Variants in TMEM131L observed in about 807,000 individuals in gnomAD.
TMEM131L encodes transmembrane 131 like.
Under a neutral mutation model 192.2 loss-of-function variants are expected in TMEM131L, and 54 were observed. The ratio of observed to expected loss-of-function variants is 0.28; its 90% confidence interval spans 0.23 to 0.35. The LOEUF is 0.35. Ranked by LOEUF, TMEM131L falls within the 10% of genes least tolerant of loss-of-function variation. TMEM131L has a pLI of 1.00. For missense variants in TMEM131L, 1,888 were observed against 1,972.9 expected, an observed-to-expected ratio of 0.96 and a Z score of 0.82; for synonymous variants, 701 against 704.9, an observed-to-expected ratio of 0.99 and a Z score of 0.09.
chr4:153,619,738 T>A (rs970652502), intron 26 of TMEM131L, among the ~76,000 whole-genome samples: 2 of 152,246 alleles, frequency 1.3e-5, no homozygotes, highest in Middle Eastern at 3.2e-3. Flanking sequence ...TGAGTGTATG[T>A]TTCAACTTCA....
intron 3 of TMEM131L, among the ~76,000 whole-genome samples, chr4:153,515,759 A>T (rs1734686825): frequency 6.6e-6 from 1 of 152,216 alleles, no homozygotes; most frequent in African/African-American, 2.4e-5. Flanking sequence ...ACCAACAGTT[A>T]ATAGATGAGT....
rs748611754 is a variant in TMEM131L, at chr4:153,603,327, A to G, written c.2664A>G (p.Leu888=). The change falls in exon 24 of 35, where the codon TTA becomes TTG. Residue 888 remains leucine, a synonymous_variant. Transcript: ENST00000409959. The stretch of plus-strand genomic sequence containing the variant: ...GTTTGTCCCTGTTGGGTGTGATTTT[A>G]ATAGCCTTCCAACAAGCACAGTACA... ...FVSLSLLGVI[L]IAFQQAQYIL... 3.1e-6 allele frequency: 5 copies of G among 1,613,706 alleles called. No individual in the cohort carries two copies. In the Admixed American group the frequency reaches 6.7e-5, roughly 22 times the overall value.
Position 153,550,543 on chromosome 4 carries a change from G to T in TMEM131L, c.308+402G>T, listed in dbSNP as rs562691810. 2.8e-3 allele frequency among the ~76,000 whole-genome samples: 421 copies of T among 152,236 alleles called. 2 individuals are homozygous for T. Among genetic ancestry groups the T allele is most frequent in the Non-Finnish European group, 4.5e-3 (306 of 68,014 alleles). On this transcript the variant is annotated intron_variant, in intron 4 of 34. Transcript: ENST00000409959. Reference sequence around the variant, plus strand: ...GGGTTTCACCGTGTTCGCCAGGATGGTCTTGATCTCCTGACTTCGTGATCC... The same window carrying T: ...GGGTTTCACCGTGTTCGCCAGGATGTTCTTGATCTCCTGACTTCGTGATCC...
intron 7 of TMEM131L, among the ~76,000 whole-genome samples, chr4:153,564,046 TG>T (rs1422733429): frequency 6.6e-6 from 1 of 151,776 alleles, no homozygotes; most frequent in Non-Finnish European, 1.5e-5. Flanking sequence ...CCCAGCACTT[TG>T]GGAGGCCGAG....
chr4:153,475,922 C>A (rs1282606305), intron 3 of TMEM131L, among the ~76,000 whole-genome samples: 3 of 152,164 alleles, frequency 2.0e-5, no homozygotes, highest in Non-Finnish European at 4.4e-5. Flanking sequence ...GAACCAATCT[C>A]TCAGGGATTC....
intron 3 of TMEM131L, among the ~76,000 whole-genome samples, chr4:153,498,540 T>G (rs1193884768): frequency 6.6e-6 from 1 of 152,142 alleles, no homozygotes; most frequent in Non-Finnish European, 1.5e-5. Flanking sequence ...CGTGTGGGTG[T>G]GTGTGTATTT....
intron 13 of TMEM131L, 29 bp from the exon 14 acceptor site, chr4:153,586,180 G>A (rs1730687710): frequency 3.3e-6 from 5 of 1,504,000 alleles, no homozygotes; most frequent in Non-Finnish European, 4.5e-6. Flanking sequence ...GTTAGGAAAA[G>A]TAATTTCTCT....
rs192443390 is a variant in TMEM131L, at chr4:153,511,283, G to A, written c.239+37395G>A. Among the ~76,000 whole-genome samples the A allele has an allele frequency of 3.2e-4, 49 of 152,310 alleles. No individual in the cohort carries two copies. The East Asian group carries it at 3.7e-3, about 11-fold the overall frequency. ...AAAGAAAATGTGGTACATATACACCGTGGAATACTACACAGCCATCAAAAA... is the reference window on the plus strand; with the variant it reads ...AAAGAAAATGTGGTACATATACACCATGGAATACTACACAGCCATCAAAAA... On this transcript the variant is annotated intron_variant, in intron 3 of 34. Transcript: ENST00000409959.
chr4:153,620,658 G>A (rs1433134816), intron 26 of TMEM131L, 98 bp from the exon 27 acceptor site: 1 of 707,830 alleles, frequency 1.4e-6, no homozygotes, highest in Non-Finnish European at 2.2e-6. Context: ...ACAGCACTGG[G>A]ACATTCTGAA....
chr4:153,496,077 G>A (rs528073128), intron 3 of TMEM131L, among the ~76,000 whole-genome samples: 1 of 152,314 alleles, frequency 6.6e-6, no homozygotes, highest in East Asian at 1.9e-4. Context: ...CGAGGGCGGC[G>A]AGACCTGAAA....
chr4:153,584,153 A>G (rs956621539), intron 11 of TMEM131L, among the ~76,000 whole-genome samples: 1 of 152,244 alleles, frequency 6.6e-6, no homozygotes, highest in African/African-American at 2.4e-5. Flanking sequence ...GAGAGTGTTC[A>G]GAAACATGCA....
intron 3 of TMEM131L, among the ~76,000 whole-genome samples, chr4:153,489,709 C>T (rs1263630532): frequency 6.6e-6 from 1 of 152,068 alleles, no homozygotes; most frequent in East Asian, 1.9e-4. Context: ...AACTCCTGAC[C>T]TCATGGTCCA....
intron 9 of TMEM131L, among the ~76,000 whole-genome samples, chr4:153,582,397 A>G (rs1293558040): frequency 7.6e-6 from 1 of 131,802 alleles, no homozygotes; most frequent in African/African-American, 3.0e-5. Context: ...GGCGCACACC[A>G]CTATGCCTGG....
intron 13 of TMEM131L, 116 bp downstream of exon 13, chr4:153,585,727 T>C: frequency 5.0e-6 from 3 of 602,476 alleles, no homozygotes; most frequent in Non-Finnish European, 7.4e-6. Context: ...TATGAAGTTA[T>C]TATTTATATA....
intron 3 of TMEM131L, among the ~76,000 whole-genome samples, chr4:153,544,701 CAGAT>C (rs964296354): frequency 5.3e-5 from 8 of 152,332 alleles, no homozygotes; most frequent in Non-Finnish European, 1.0e-4. Context: ...GAGGCCCACT[CAGAT>C]AGCCCCATTC....
chr4:153,507,957 G>A (rs1435399606), intron 3 of TMEM131L, among the ~76,000 whole-genome samples: 3 of 152,174 alleles, frequency 2.0e-5, no homozygotes, highest in African/African-American at 4.8e-5. Flanking sequence ...AGCTAAGAAC[G>A]CTGACACATT....
chr4:153,584,796 G>C lies in TMEM131L; in HGVS notation c.1061-39G>C, dbSNP rs995995849. ...TTTGTTCAGGCTTAATGAAAGAAAA[G>C]GTACTTAAGCTTCACATTTATTTCT... On this transcript the variant is annotated intron_variant, in intron 11 of 34. Coordinates refer to ENST00000409959, the MANE Select transcript of TMEM131L (RefSeq NM_001131007.2). The C allele has an allele frequency of 2.1e-6, 3 of 1,417,486 alleles. No homozygotes were observed. In the South Asian group the frequency reaches 3.5e-5, roughly 17 times the overall value. 87.8% of individuals were successfully genotyped at this position (1,417,486 alleles called of 1,614,324 possible).
intron 19 of TMEM131L, 145 bp from the exon 20 acceptor site, chr4:153,596,113 A>G (rs1731419061): frequency 1.1e-6 from 1 of 896,926 alleles, no homozygotes; most frequent in Non-Finnish European, 1.7e-6. Flanking sequence ...AACTCTCAGG[A>G]TAAGCAAGTT....
At chr4:153,549,410 A>T (rs190950451) in intron 3 of TMEM131L, among the ~76,000 whole-genome samples, 5 of 152,144 alleles carry the variant, frequency 3.3e-5, no homozygotes, top group Non-Finnish European at 5.9e-5. Flanking sequence ...TCATACTCAT[A>T]TGTGTATTTT....
Sources: allele counts gnomAD v4.1 joint callset (sites outside exome capture counted in the v4.1 genomes callset), GRCh38; gene constraint gnomAD v4.1.1; transcripts MANE v1.5; gene names NCBI Gene and HGNC (gene_info 2026-07-23, HGNC 2026-07-21).